The following KBTBD2 variants were observed in gnomAD, a reference collection of about 807,000 sequenced individuals.
KBTBD2 encodes the protein kelch repeat and BTB domain-containing protein 2.
A neutral mutation model predicts 57.1 loss-of-function variants in KBTBD2; 17 were observed. The ratio of observed to expected loss-of-function variants is 0.30; its 90% confidence interval spans 0.20 to 0.45. The LOEUF (loss-of-function observed/expected upper bound fraction) is 0.45, where lower values mean the gene tolerates loss of function less well. KBTBD2 is among the 20% of genes least tolerant of loss of function. The pLI is 1.00. For missense variants in KBTBD2, 515 were observed against 750.6 expected, an observed-to-expected ratio of 0.69 and a Z score of 3.67; for synonymous variants, 267 against 262.7, an observed-to-expected ratio of 1.02 and a Z score of -0.16.
At chr7:32,884,644 C>G (rs963235076) in intron 1 of KBTBD2, among the ~76,000 whole-genome samples, 1 of 151,786 alleles carries the variant, frequency 6.6e-6, no homozygotes, top group African/African-American at 2.4e-5. Context: ...GAGCCGAGAT[C>G]GCACCACTGC....
At chr7:32,881,396 A>C (rs981480583) in intron 1 of KBTBD2, among the ~76,000 whole-genome samples, 2 of 152,168 alleles carry the variant, frequency 1.3e-5, no homozygotes, top group African/African-American at 4.8e-5. Context: ...AAAAACTGCC[A>C]CCTCTTTTTT....
At position 32,869,436 on chromosome 7, in the gene KBTBD2, G is replaced by A; in HGVS notation, c.1781C>T (p.Ser594Phe). The A allele has an allele frequency of 6.2e-7, 1 of 1,614,060 alleles. No homozygotes were observed. The highest frequency in any genetic ancestry group is 8.5e-7 in the Non-Finnish European group (1 of 1,179,960). Residue 594 changes from serine to phenylalanine, a missense_variant, in exon 4 of 4, where the codon TCT (serine) becomes TTT (phenylalanine). By Grantham distance (155) the Ser-to-Phe change is radical. Transcript: ENST00000304056. ...GKLYPSCLEE[S>F]PWKPPTYLFS... ...AAGATAAGTTGGTGGTTTCCATGGA[G>A]ACTCTTCAAGGCAGGATGGATAGAG...
At chr7:32,878,052 C>T (rs1267341802) in intron 2 of KBTBD2, among the ~76,000 whole-genome samples, 1 of 150,094 alleles carries the variant, frequency 6.7e-6, no homozygotes, top group Admixed American at 6.7e-5. Flanking sequence ...GCAGAGGTTG[C>T]AGTGAGTCGA....
At chr7:32,874,455 G>A (rs1319972388) in intron 3 of KBTBD2, 2 of 151,604 alleles carry the variant, frequency 1.3e-5, no homozygotes, top group Non-Finnish European at 2.9e-5. Context: ...AATAGTAGCT[G>A]GGCATGGTGG....
chr7:32,885,393 A>G (rs1338573446), intron 1 of KBTBD2, among the ~76,000 whole-genome samples: 1 of 151,446 alleles, frequency 6.6e-6, no homozygotes. Flanking sequence ...TAGTCACACA[A>G]CTGCTTTCCC....
At chr7:32,888,644 G>C (rs1270123187) in intron 1 of KBTBD2, among the ~76,000 whole-genome samples, 5 of 148,816 alleles carry the variant, frequency 3.4e-5, no homozygotes, top group Non-Finnish European at 5.9e-5. Context: ...GCAGTGAGCC[G>C]AGATCGCATC....
chr7:32,869,891 A>G lies in KBTBD2; in HGVS notation c.1326T>C (p.Tyr442=), dbSNP rs1229665176. 1.2e-6 allele frequency: 2 copies of G among 1,613,754 alleles called. No individual in the cohort carries two copies. The highest frequency in any genetic ancestry group is 1.1e-5 in the South Asian group (1 of 91,090). Residue 442 remains tyrosine, a synonymous_variant, in exon 4 of 4, where the codon TAT becomes TAC. Transcript: ENST00000304056. The part of the protein sequence containing the change: ...YVMTLNLMYC[Y]FPRSDSWVEM... ...CTACCCATGAGTCAGACCTTGGAAA[A>G]TAACAGTACATGAGGTTCAGTGTCA...
intron 1 of KBTBD2, among the ~76,000 whole-genome samples, chr7:32,885,325 T>C (rs1484450242): frequency 6.6e-6 from 1 of 151,990 alleles, no homozygotes; most frequent in Admixed American, 6.6e-5. Context: ...TAATTCTTAA[T>C]CTAATTTATA....
intron 1 of KBTBD2, among the ~76,000 whole-genome samples, chr7:32,884,991 C>T (rs1458177659): frequency 3.0e-5 from 3 of 99,980 alleles, no homozygotes; most frequent in Admixed American, 1.1e-4. Context: ...TATATATATA[C>T]ACATATATGT....
chr7:32,888,616 A>T (rs1225180974), intron 1 of KBTBD2, among the ~76,000 whole-genome samples: 3 of 152,062 alleles, frequency 2.0e-5, no homozygotes, highest in Admixed American at 6.5e-5. Context: ...ATCAAGTTTT[A>T]AAAATTTCAG....
Position 32,879,679 on chromosome 7 carries a change from T to C in KBTBD2, c.-75A>G. ...ACTGATGGAAGGTCAAGTGAATACTTCAGAAATAAAGGAGAACCTACTTGC... is the reference window on the plus strand; with the variant it reads ...ACTGATGGAAGGTCAAGTGAATACTCCAGAAATAAAGGAGAACCTACTTGC... On this transcript the variant is annotated 5_prime_UTR_variant, in exon 2 of 4. Transcript: ENST00000304056. 1 of 1,248,942 alleles carries C rather than the reference T, an allele frequency of 8.0e-7. No individual in the cohort carries two copies. Among genetic ancestry groups the C allele is most frequent in the South Asian group, 1.3e-5 (1 of 77,742 alleles). 77.4% of individuals were successfully genotyped at this position (1,248,942 alleles called of 1,614,324 possible). A position where few individuals can be genotyped will look rare whatever the true frequency, so the allele number is the denominator to read the frequency against.
At position 32,879,487 on chromosome 7, in the gene KBTBD2, T is replaced by G; in HGVS notation, c.118A>C (p.Thr40Pro). 1.2e-6 allele frequency: 2 copies of G among 1,613,376 alleles called. No homozygotes were observed. The highest frequency in any genetic ancestry group is 8.5e-7 in the Non-Finnish European group (1 of 1,179,476). Residue 40 changes from threonine (T) to proline (P), a missense_variant, in exon 2 of 4, where the codon ACT (threonine) becomes CCT (proline). Coordinates refer to ENST00000304056, the MANE Select transcript of KBTBD2 (RefSeq NM_015483.3). ...ACCATCTTATGACAAGGGAATTCAGTGCCCTCAACAATTAACACTATGTCA... is the reference window on the plus strand; with the variant it reads ...ACCATCTTATGACAAGGGAATTCAGGGCCCTCAACAATTAACACTATGTCA... ...FTDIVLIVEG[T>P]EFPCHKMVLA...
rs563069802 is a variant in KBTBD2, at chr7:32,879,937, G to A, written c.-333C>T. On this transcript the variant is annotated 5_prime_UTR_variant, in exon 2 of 4. Coordinates refer to ENST00000304056, the MANE Select transcript of KBTBD2 (RefSeq NM_015483.3). ...CATCCTATGTTCAGCGGATCCTGTG[G>A]AGTAACTAAAAAGAAAAAAAGTTCA... 1.4e-4 allele frequency: 29 copies of A among 210,004 alleles called. No individual in the cohort carries two copies. Among genetic ancestry groups the A allele is most frequent in the Non-Finnish European group, 2.4e-4 (26 of 106,426 alleles). 13.0% of individuals were successfully genotyped at this position (210,004 alleles called of 1,614,324 possible).
In KBTBD2 at chr7:32,878,030, T is replaced by G. The variant is rs1254193070; in HGVS notation, c.170+1405A>C. Reference sequence around the variant, plus strand: ...GTGAGGCTGAGGCACAAGAACCACTTGAACCTGGGAGGCAGAGGTTGCAGT... The same window carrying G: ...GTGAGGCTGAGGCACAAGAACCACTGGAACCTGGGAGGCAGAGGTTGCAGT... On this transcript the variant is annotated intron_variant, in intron 2 of 3. Transcript: ENST00000304056. Among the ~76,000 whole-genome samples, 11 of 151,508 alleles carry G rather than the reference T, an allele frequency of 7.3e-5. No homozygotes were observed. In the South Asian group the frequency reaches 2.1e-3, roughly 29 times the overall value.
At position 32,870,553 on chromosome 7, in the gene KBTBD2, T is replaced by C; in HGVS notation, c.664A>G (p.Ile222Val). 6.2e-7 allele frequency: 1 copy of C among 1,614,204 alleles called. No individual in the cohort carries two copies. The highest frequency in any genetic ancestry group is 8.5e-7 in the Non-Finnish European group (1 of 1,180,030). ...TGTGTTACTTCTGAAAGTGCATCAA[T>C]TCTGATTTGGCTAAGAACAGAAGAC... ...YLSSVLSQIRIDALSEVTQRA... is the reference protein window; with the variant it reads ...YLSSVLSQIRVDALSEVTQRA... The change falls in exon 4 of 4, where the codon ATT (isoleucine) becomes GTT (valine). Residue 222 changes from isoleucine to valine, a missense_variant. By Grantham distance (29) the Ile-to-Val change is conservative (BLOSUM62 3). Transcript: ENST00000304056.
Position 32,869,453 on chromosome 7 carries a change from T to C in KBTBD2, c.1764A>G (p.Pro588=), listed in dbSNP as rs1397593992. Reference sequence around the variant, plus strand: ...TCCATGGAGACTCTTCAAGGCAGGATGGATAGAGTTTCCCCACAGTGCATC... The same window carrying C: ...TCCATGGAGACTCTTCAAGGCAGGACGGATAGAGTTTCCCCACAGTGCATC... ...DFRCTVGKLY[P]SCLEESPWKP... The change falls in exon 4 of 4, where the codon CCA becomes CCG. Residue 588 remains proline, a synonymous_variant. Transcript: ENST00000304056. The C allele has an allele frequency of 6.2e-7, 1 of 1,614,124 alleles. No individual in the cohort carries two copies. The highest frequency in any genetic ancestry group is 1.7e-5 in the Admixed American group (1 of 60,020).
At chr7:32,881,522 C>T (rs999640793) in intron 1 of KBTBD2, among the ~76,000 whole-genome samples, 47 of 152,052 alleles carry the variant, frequency 3.1e-4, no homozygotes, top group African/African-American at 9.9e-4. Context: ...ATGACATACA[C>T]TTCCTGACAA....
chr7:32,882,009 T>C (rs1784456018), intron 1 of KBTBD2, among the ~76,000 whole-genome samples: 2 of 152,278 alleles, frequency 1.3e-5, no homozygotes, highest in Admixed American at 1.3e-4. Flanking sequence ...CTATGAATGG[T>C]GTCAAAAATA....
intron 1 of KBTBD2, among the ~76,000 whole-genome samples, chr7:32,889,297 A>G (rs1784668121): frequency 6.6e-6 from 1 of 151,876 alleles, no homozygotes; most frequent in Non-Finnish European, 1.5e-5. Flanking sequence ...TCTCTTAAAA[A>G]AAAAAAAAAA....
Sources: allele counts gnomAD v4.1 joint callset (sites outside exome capture counted in the v4.1 genomes callset), GRCh38; gene constraint gnomAD v4.1.1; transcripts MANE v1.5; gene names NCBI Gene and HGNC (gene_info 2026-07-23, HGNC 2026-07-21).